The following CFAP70 variants were observed in gnomAD, a reference collection of about 807,000 sequenced individuals.
The protein encoded by CFAP70 is cilia- and flagella-associated protein 70.
A neutral mutation model predicts 137.6 loss-of-function variants in CFAP70; 81 were observed. The ratio of observed to expected loss-of-function variants is 0.59; its 90% CI spans 0.49 to 0.71. CFAP70 has a LOEUF of 0.71. Ranked by LOEUF, CFAP70 falls within the 30% of genes least tolerant of loss-of-function variation. The pLI, the probability that CFAP70 is intolerant of heterozygous loss-of-function variation, is 0.00. For synonymous variants in CFAP70, 382 were observed against 423.6 expected, an observed-to-expected ratio of 0.90 and a Z score of 1.20; for missense variants, 976 against 1,226.7, an observed-to-expected ratio of 0.80 and a Z score of 3.05.
At chr10:73,322,921 A>G (rs1285482035) in intron 9 of CFAP70, 42 bp downstream of exon 10, 1 of 1,537,600 alleles carries the variant, frequency 6.5e-7, no homozygotes, top group East Asian at 2.3e-5. Flanking sequence ...AGATATATAA[A>G]GGATAAATTA....
intron 9 of CFAP70, 127 bp from the exon 11 acceptor site, chr10:73,312,770 G>C: frequency 1.2e-6 from 1 of 812,646 alleles, no homozygotes; most frequent in Non-Finnish European, 1.9e-6. Flanking sequence ...GAGAGAGAAG[G>C]GACTTGAAAG....
intron 25 of CFAP70, among the ~76,000 whole-genome samples, chr10:73,256,884 C>CA (rs1184807865): frequency 6.0e-5 from 7 of 115,916 alleles, no homozygotes; most frequent in African/African-American, 2.1e-4. Context: ...TCCTGGGCAA[C>CA]AGAGTGAGAC....
intron 9 of CFAP70, among the ~76,000 whole-genome samples, chr10:73,321,764 A>G (rs946708872): frequency 2.0e-5 from 3 of 152,110 alleles, no homozygotes; most frequent in South Asian, 4.1e-4. Context: ...TTTAACAACA[A>G]CAGACTTTTT....
chr10:73,304,247 T>G (rs1433414664), intron 12 of CFAP70, among the ~76,000 whole-genome samples: 2 of 152,042 alleles, frequency 1.3e-5, no homozygotes, highest in Non-Finnish European at 2.9e-5. Flanking sequence ...AGAGGCAGGG[T>G]TTCCCCACAT....
chr10:73,321,689 GAAAA>G (rs753061529), intron 9 of CFAP70, among the ~76,000 whole-genome samples: 1 of 147,000 alleles, frequency 6.8e-6, no homozygotes, highest in Non-Finnish European at 1.5e-5. Context: ...CCTAAAAATG[GAAAA>G]AAAAAATTAT....
At chr10:73,259,632 G>A (rs900603410) in intron 25 of CFAP70, among the ~76,000 whole-genome samples, 16 of 152,070 alleles carry the variant, frequency 1.1e-4, no homozygotes, top group Non-Finnish European at 2.2e-4. Context: ...TAAAGTTTAA[G>A]GACTTATTAT....
intron 19 of CFAP70, among the ~76,000 whole-genome samples, chr10:73,283,564 C>G (rs1375073448): frequency 1.3e-5 from 2 of 151,984 alleles, no homozygotes; most frequent in Non-Finnish European, 2.9e-5. Context: ...GTGAATTAAC[C>G]CTGTTATTGT....
At chr10:73,323,976 G>C (rs1162107680) in intron 8 of CFAP70, among the ~76,000 whole-genome samples, 1 of 152,248 alleles carries the variant, frequency 6.6e-6, no homozygotes, top group African/African-American at 2.4e-5. Context: ...GCTTTGAAGA[G>C]AGCAGTGGTT....
chr10:73,281,536 G>A (rs566561536), intron 19 of CFAP70, among the ~76,000 whole-genome samples: 1 of 152,054 alleles, frequency 6.6e-6, no homozygotes, highest in South Asian at 2.1e-4. Flanking sequence ...ACTGCTGGCT[G>A]TCAGGGGTGT....
At chr10:73,293,463 G>A (rs1373560174) in intron 15 of CFAP70, 75 bp from the exon 17 acceptor site, 27 of 1,318,324 alleles carry the variant, frequency 2.0e-5, no homozygotes, top group South Asian at 1.2e-4. Context: ...GCATAAATCC[G>A]ATGTGAGATC....
chr10:73,324,890 G>T (rs1396489287), intron 8 of CFAP70, among the ~76,000 whole-genome samples: 14 of 152,178 alleles, frequency 9.2e-5, no homozygotes, highest in Non-Finnish European at 1.8e-4. Context: ...AGGGAGAATG[G>T]AACCAAGTTG....
chr10:73,253,768 GT>G (rs1310677186), downstream of CFAP70: 14 of 468,354 alleles, frequency 3.0e-5, no homozygotes, highest in African/African-American at 3.8e-5. Flanking sequence ...TGAATTTTGA[GT>G]TTCATATCTC....
intron 12 of CFAP70, among the ~76,000 whole-genome samples, chr10:73,309,061 T>A (rs1456439782): frequency 2.0e-5 from 3 of 151,904 alleles, no homozygotes; most frequent in Non-Finnish European, 4.4e-5. Flanking sequence ...AATTAGAGAA[T>A]AGAAAAATAA....
chr10:73,269,640 C>G (rs745809298), exon 25 of CFAP70: 2 of 1,613,318 alleles, frequency 1.2e-6, no homozygotes, highest in South Asian at 1.1e-5. Flanking sequence ...GCCAGATATG[C>G]CCATACTTCA....
At chr10:73,292,899 T>C (rs1320199107) in intron 16 of CFAP70, among the ~76,000 whole-genome samples, 2 of 152,198 alleles carry the variant, frequency 1.3e-5, no homozygotes, top group African/African-American at 2.4e-5. Flanking sequence ...CTAAGAACTC[T>C]ACCTGATTCC....
At chr10:73,329,920 T>C (rs1433658222) in intron 8 of CFAP70, among the ~76,000 whole-genome samples, 2 of 152,196 alleles carry the variant, frequency 1.3e-5, no homozygotes, top group Non-Finnish European at 2.9e-5. Flanking sequence ...GGCGGACGAA[T>C]GACAGTCTCC....
rs2053742111 is a variant in CFAP70, at chr10:73,346,665, T to G, written c.350-1551A>C. 2.0e-5 allele frequency among the ~76,000 whole-genome samples: 3 copies of G among 152,024 alleles called. No homozygotes were observed. The South Asian group carries it at 6.2e-4, about 32-fold the overall frequency. On this transcript the variant is annotated intron_variant, in intron 4 of 26. Transcript: ENST00000310715. The stretch of plus-strand genomic sequence containing the variant: ...TCTCAAAAAAAAAAAGAATGTGTAT[T>G]GAATGCTAGGCACTTTGCTATATCA...
At chr10:73,299,864 T>C (rs1157755808) in intron 12 of CFAP70, among the ~76,000 whole-genome samples, 199 bp from the exon 14 acceptor site, 2 of 152,140 alleles carry the variant, frequency 1.3e-5, no homozygotes, top group African/African-American at 2.4e-5. Context: ...CTACGGACCA[T>C]ACAGAAGGGA....
intron 6 of CFAP70, 33 bp from the exon 8 acceptor site, chr10:73,335,557 G>A (rs2052560240): frequency 2.0e-6 from 3 of 1,516,980 alleles, no homozygotes; most frequent in Admixed American, 1.7e-5. Context: ...TTCTCGGTAT[G>A]TGTGCCATGA....
Sources: gnomAD v4.1 joint callset for allele counts (sites outside exome capture counted in the v4.1 genomes callset) on GRCh38, gnomAD v4.1.1 for gene constraint, MANE v1.5 for transcripts, NCBI Gene and HGNC (gene_info 2026-07-23, HGNC 2026-07-21) for gene names.